The following FANCB variants were observed in gnomAD, a reference collection of about 807,000 sequenced individuals.
FANCB encodes Fanconi anemia group B protein.
Under a neutral mutation model 38.9 loss-of-function variants are expected in FANCB, and 5 were observed. The observed-to-expected ratio is 0.13, with a 90% CI of 0.07 to 0.27. FANCB has a LOEUF of 0.27. Ranked by LOEUF, FANCB falls within the 10% of genes least tolerant of loss-of-function variation. FANCB has a pLI of 1.00. For synonymous variants in FANCB, 236 were observed against 215.4 expected, an observed-to-expected ratio of 1.10 and a Z score of -0.84; for missense variants, 573 against 602.7, an observed-to-expected ratio of 0.95 and a Z score of 0.52.
At chrX:14,710,861 A>G in the FANCB span, among the ~76,000 whole-genome samples, 1 of 111,925 alleles carries the variant, frequency 8.9e-6, no homozygotes, top group African/African-American at 3.2e-5. Flanking sequence ...AGAGATATAA[A>G]TTTTCACCTA....
chrX:14,789,939 T>C, the FANCB span, among the ~76,000 whole-genome samples: 1 of 112,295 alleles, frequency 8.9e-6, no homozygotes, highest in African/African-American at 3.2e-5. Flanking sequence ...AAACATTCTT[T>C]GACAGGTAGA....
the FANCB span, among the ~76,000 whole-genome samples, chrX:14,772,699 G>A: frequency 9.0e-6 from 1 of 111,152 alleles, no homozygotes; most frequent in African/African-American, 3.3e-5. Flanking sequence ...CCTTGCAGGG[G>A]ATCCCAGGGC....
the FANCB span, among the ~76,000 whole-genome samples, chrX:14,811,813 C>A: frequency 3.6e-5 from 4 of 111,393 alleles, no homozygotes; most frequent in Non-Finnish European, 7.5e-5. Context: ...ACCAAGCGGA[C>A]CTAATAGACA....
chrX:14,804,043 A>T, the FANCB span, among the ~76,000 whole-genome samples: 1 of 112,058 alleles, frequency 8.9e-6, no homozygotes, highest in Non-Finnish European at 1.9e-5. Context: ...GTGGGACTGT[A>T]AACTAGTTCA....
At chrX:14,725,346 C>G in the FANCB span, among the ~76,000 whole-genome samples, 1 of 111,331 alleles carries the variant, frequency 9.0e-6, no homozygotes, top group African/African-American at 3.3e-5. Context: ...CCATCATTTG[C>G]TTGGGAGATT....
chrX:14,843,951 A>G lies in FANCB; in HGVS notation c.2196T>C (p.His732=). The G allele has an allele frequency of 8.3e-7, 1 of 1,203,788 alleles. No homozygotes were observed. Among genetic ancestry groups the G allele is most frequent in the Non-Finnish European group, 1.1e-6 (1 of 889,598 alleles). The change falls in exon 10 of 10, where the codon CAT becomes CAC. Residue 732 remains histidine (H), a synonymous_variant. Transcript: ENST00000650831. ...RNQTVMFQCL[H]NLIRILPINC... is the part of the protein sequence containing the mutation. ...TTATAGGGAGAATTCTGATGAGATT[A>G]TGAAGGCACTGGAACATAACTGTTT...
rs201873039 is a variant in FANCB, at chrX:14,850,489, G to T, written c.1496+16C>A. On this transcript the variant is annotated intron_variant, in intron 7 of 9. Coordinates refer to ENST00000650831, the MANE Select transcript of FANCB (RefSeq NM_001018113.3). The stretch of plus-strand genomic sequence containing the variant: ...TGGAGCATCAAGACAGTGTTATCAT[G>T]TTGGAATTTACTTACAGCTTCAAAG... 6 of 1,175,876 alleles carry T rather than the reference G, an allele frequency of 5.1e-6. No homozygotes were observed. The Admixed American group carries it at 1.1e-4, about 21-fold the overall frequency.
At chrX:14,751,755 G>A in the FANCB span, among the ~76,000 whole-genome samples, 7 of 111,839 alleles carry the variant, frequency 6.3e-5, no homozygotes, top group Non-Finnish European at 1.1e-4. Context: ...CATAAAGAGG[G>A]AGGAGAGGGT....
rs995483698 is a variant in FANCB at position 14,843,709 on chromosome X, C to A, written c.2438G>T (p.Arg813Ile). The change falls in exon 10 of 10, where the codon AGA (arginine) becomes ATA (isoleucine). Residue 813 changes from arginine to isoleucine, a missense_variant. By Grantham distance (97) the Arg-to-Ile change is moderately conservative (BLOSUM62 -3). Transcript: ENST00000650831. ...SDRRENIHPYRKELQREKKKM... is the reference protein window; with the variant it reads ...SDRRENIHPYIKELQREKKKM... The stretch of plus-strand genomic sequence containing the variant: ...CTTCTTTTCTCTCTGAAGTTCTTTT[C>A]TGTAGGGATGGATATTTTCCCTTCT... The A allele has an allele frequency of 9.1e-6, 11 of 1,211,175 alleles. No homozygotes were observed. The Middle Eastern group carries it at 9.2e-4, about 101-fold the overall frequency.
chrX:14,767,607 G>A, the FANCB span, among the ~76,000 whole-genome samples: 1 of 110,749 alleles, frequency 9.0e-6, no homozygotes, highest in Non-Finnish European at 1.9e-5. Context: ...TGGAGAGATT[G>A]CAAAAATTTT....
the FANCB span, among the ~76,000 whole-genome samples, chrX:14,829,003 C>A: frequency 8.9e-6 from 1 of 111,756 alleles, no homozygotes; most frequent in Non-Finnish European, 1.9e-5. Context: ...AGCTACCATA[C>A]CCAGCTGAAT....
chrX:14,755,261 C>A, the FANCB span, among the ~76,000 whole-genome samples: 2 of 111,682 alleles, frequency 1.8e-5, no homozygotes, highest in African/African-American at 6.5e-5. Flanking sequence ...TGTTCATTTT[C>A]ACCACTTCCA....
the FANCB span, among the ~76,000 whole-genome samples, chrX:14,758,321 G>A: frequency 9.0e-6 from 1 of 111,698 alleles, no homozygotes; most frequent in South Asian, 3.7e-4. Context: ...ATTCTTTTGG[G>A]AGCTCTAGGG....
chrX:14,785,386 T>C, the FANCB span, among the ~76,000 whole-genome samples: 1 of 112,359 alleles, frequency 8.9e-6, no homozygotes, highest in Non-Finnish European at 1.9e-5. Flanking sequence ...TTGAGCTTTC[T>C]GACCTCTTCT....
At chrX:14,838,371 C>T (rs781304893) in intron 10 of FANCB, among the ~76,000 whole-genome samples, 1 of 111,795 alleles carries the variant, frequency 8.9e-6, no homozygotes, top group Non-Finnish European at 1.9e-5. Flanking sequence ...CTAGCCTACA[C>T]ACCAAGCCCT....
At chrX:14,833,057 A>G (rs2092331338), downstream of FANCB, among the ~76,000 whole-genome samples, 1 of 112,487 alleles carries the variant, frequency 8.9e-6, no homozygotes, top group Admixed American at 9.4e-5. Context: ...TCCTTCCACA[A>G]TGATTATTTA....
At chrX:14,856,877 C>T (rs888161982) in intron 5 of FANCB, among the ~76,000 whole-genome samples, 13 of 111,880 alleles carry the variant, frequency 1.2e-4, no homozygotes, top group African/African-American at 3.2e-4. Flanking sequence ...CTGGAAAAAA[C>T]AGTTATAAAA....
chrX:14,814,165 A>C, the FANCB span, among the ~76,000 whole-genome samples: 1 of 111,721 alleles, frequency 9.0e-6, no homozygotes, highest in Non-Finnish European at 1.9e-5. Flanking sequence ...ACCTTATACA[A>C]AAATTAATTC....
chrX:14,782,469 G>A, the FANCB span, among the ~76,000 whole-genome samples: 3 of 112,245 alleles, frequency 2.7e-5, no homozygotes, highest in South Asian at 3.7e-4. Context: ...ATTTTAACAC[G>A]AGACTCTGAC....
Sources: allele counts gnomAD v4.1 joint callset (sites outside exome capture counted in the v4.1 genomes callset), GRCh38; gene constraint gnomAD v4.1.1; transcripts MANE v1.5; gene names NCBI Gene and HGNC (gene_info 2026-07-23, HGNC 2026-07-21).